RBFOX1: variants seen among roughly 807,000 people sequenced by gnomAD.
The protein encoded by RBFOX1 is RNA binding protein fox-1 homolog 1.
Under a neutral mutation model 57.7 loss-of-function variants are expected in RBFOX1, and 8 were observed. The observed-to-expected ratio is 0.14, with a 90% CI of 0.08 to 0.25. The LOEUF is 0.25. RBFOX1 is among the 10% of genes least tolerant of loss of function. RBFOX1 has a pLI of 1.00. For missense variants in RBFOX1, 611 were observed against 548.5 expected (o/e 1.11, Z -1.14); for synonymous variants, 326 against 222.4 (o/e 1.47, Z -4.15).
At chr16:6,051,001 A>G (rs2095546434) in intron 1 of RBFOX1, among the ~76,000 whole-genome samples, 1 of 147,292 alleles carries the variant, frequency 6.8e-6, no homozygotes, top group Admixed American at 6.9e-5. Context: ...ACTATCTAGT[A>G]TGACTTGATA....
chr16:6,380,305 A>G (rs1452015323), intron 2 of RBFOX1, among the ~76,000 whole-genome samples: 3 of 151,520 alleles, frequency 2.0e-5, no homozygotes, highest in Non-Finnish European at 4.4e-5. Flanking sequence ...GAAAGAGAAC[A>G]GTGACGGTGG....
intron 5 of RBFOX1, among the ~76,000 whole-genome samples, chr16:7,519,987 G>C (rs536575794): frequency 3.3e-5 from 5 of 152,086 alleles, no homozygotes; most frequent in African/African-American, 1.2e-4. Context: ...CCAGGTTCAC[G>C]CCATTCTCCT....
intron 4 of RBFOX1, among the ~76,000 whole-genome samples, chr16:5,958,782 C>A (rs973662129): frequency 3.3e-5 from 5 of 152,192 alleles, no homozygotes; most frequent in African/African-American, 1.2e-4. Context: ...CACCCACCCA[C>A]ATTCCTTGGC....
Position 5,350,835 on chromosome 16 carries a change from A to G in RBFOX1, c.219+110730A>G, listed in dbSNP as rs147370172. 4.3e-3 allele frequency among the ~76,000 whole-genome samples: 648 copies of G among 152,034 alleles called. 3 individuals are homozygous for G. Among genetic ancestry groups the G allele is most frequent in the African/African-American group, 0.015 (603 of 41,460 alleles). ...AGCCGATATTGCACCACTGCGCTCC[A>G]GCCTGGGCAACAAAAGTGAAACTCC... is the stretch of plus-strand genomic sequence containing the variant. On this transcript the variant is annotated intron_variant, in intron 1 of 2. Coordinates refer to the RBFOX1 transcript ENST00000585867.
rs1025169633 is a variant in RBFOX1 at position 5,622,560 on chromosome 16, TA to T, written c.318+23605del. Among the ~76,000 whole-genome samples the T allele has an allele frequency of 3.4e-4, 51 of 152,220 alleles. 1 individual carries two copies. Among genetic ancestry groups the T allele is most frequent in the Admixed American group, 4.6e-4 (7 of 15,286 alleles). On this transcript the variant is annotated intron_variant, in intron 3 of 19. Coordinates refer to the RBFOX1 transcript ENST00000641259. ...TGTCCTTTTCTCTAGTGGTACTTTT[TA>T]AAAAATCCATTTATTTGCTTAGACC...
intron 4 of RBFOX1, among the ~76,000 whole-genome samples, chr16:5,870,828 GCTTCTCTAAGGTC>G (rs1284105791): frequency 3.3e-5 from 5 of 152,046 alleles, no homozygotes; most frequent in African/African-American, 1.2e-4. Flanking sequence ...CTGGGAAAAT[GCTTCTCTAAGGTC>G]CTTTTCCTTC....
intron 1 of RBFOX1, among the ~76,000 whole-genome samples, chr16:5,338,685 G>A (rs1419833691): frequency 6.6e-6 from 1 of 152,186 alleles, no homozygotes; most frequent in Non-Finnish European, 1.5e-5. Flanking sequence ...TTGTCACCCA[G>A]CCAGAATCTA....
At chr16:5,441,946 G>A (rs1282378401) in intron 1 of RBFOX1, among the ~76,000 whole-genome samples, 1 of 152,144 alleles carries the variant, frequency 6.6e-6, no homozygotes, top group Non-Finnish European at 1.5e-5. Flanking sequence ...TACAATTCAA[G>A]ATGAGATTTG....
intron 3 of RBFOX1, among the ~76,000 whole-genome samples, chr16:6,872,220 G>A (rs2061043677): frequency 6.6e-6 from 1 of 152,152 alleles, no homozygotes; most frequent in Admixed American, 6.6e-5. Context: ...ATGGAGACCA[G>A]CACATAGTAG....
chr16:6,872,951 C>G (rs2061202026), intron 3 of RBFOX1, among the ~76,000 whole-genome samples: 1 of 152,156 alleles, frequency 6.6e-6, no homozygotes, highest in South Asian at 2.1e-4. Flanking sequence ...TTTTACTTCC[C>G]CGGCCGCAGC....
At chr16:5,756,283 A>T (rs903316974) in intron 3 of RBFOX1, among the ~76,000 whole-genome samples, 1 of 151,006 alleles carries the variant, frequency 6.6e-6, no homozygotes, top group African/African-American at 2.4e-5. Context: ...TGGACATATG[A>T]AATGCCGTGG....
intron 3 of RBFOX1, among the ~76,000 whole-genome samples, chr16:5,644,574 T>G (rs1356717658): frequency 6.6e-6 from 1 of 152,198 alleles, no homozygotes; most frequent in Non-Finnish European, 1.5e-5. Flanking sequence ...CTCAGCCGTG[T>G]CTCTGATTTT....
intron 2 of RBFOX1, among the ~76,000 whole-genome samples, chr16:6,593,341 AAAAG>A (rs1189396568): frequency 1.3e-5 from 2 of 152,200 alleles, no homozygotes; most frequent in African/African-American, 4.8e-5. Context: ...TTCAGGCACT[AAAAG>A]AAAGGGTTAA....
chr16:5,551,044 A>G (rs2045442411), intron 2 of RBFOX1, among the ~76,000 whole-genome samples: 1 of 152,158 alleles, frequency 6.6e-6, no homozygotes, highest in African/African-American at 2.4e-5. Flanking sequence ...AACTGTGGGG[A>G]GGCAACCCTG....
intron 3 of RBFOX1, among the ~76,000 whole-genome samples, chr16:5,756,693 C>T (rs2053409512): frequency 6.6e-6 from 1 of 152,152 alleles, no homozygotes; most frequent in African/African-American, 2.4e-5. Flanking sequence ...ATTTGTACTT[C>T]ATTACTTATC....
intron 4 of RBFOX1, among the ~76,000 whole-genome samples, chr16:7,094,396 T>G (rs12923972): frequency 6.6e-6 from 1 of 151,772 alleles, no homozygotes; most frequent in Non-Finnish European, 1.5e-5. Flanking sequence ...ACATTCCAGG[T>G]GAAAAAAAAC....
At position 5,889,113 on chromosome 16, in the gene RBFOX1, G is replaced by T. The variant is rs570098179; in HGVS notation, c.351+21778G>T. ...CTTATTTTTCTTCAACTTTTAAGTT[G>T]TGAGGTCCATGTGTAGGATGTGCAG... On this transcript the variant is annotated intron_variant, in intron 4 of 19. Transcript: ENST00000641259. Among the ~76,000 whole-genome samples the T allele has an allele frequency of 3.2e-3, 491 of 152,258 alleles. 3 individuals carry two copies. Among genetic ancestry groups the T allele is most frequent in the African/African-American group, 0.011 (469 of 41,562 alleles).
chr16:7,063,998 T>C (rs954685053), intron 4 of RBFOX1, among the ~76,000 whole-genome samples: 4 of 152,140 alleles, frequency 2.6e-5, no homozygotes, highest in Admixed American at 6.5e-5. Flanking sequence ...TACTAAATTA[T>C]CATGTTATAT....
chr16:7,322,330 C>T (rs1024386052), intron 4 of RBFOX1, among the ~76,000 whole-genome samples: 1 of 152,258 alleles, frequency 6.6e-6, no homozygotes, highest in East Asian at 1.9e-4. Flanking sequence ...AACCTGCCCC[C>T]TGCCAAGCTG....
Sources: allele counts gnomAD v4.1 joint callset (sites outside exome capture counted in the v4.1 genomes callset), GRCh38; gene constraint gnomAD v4.1.1; transcripts MANE v1.5; gene names NCBI Gene and HGNC (gene_info 2026-07-23, HGNC 2026-07-21).